Variants in GPR155 observed in about 807,000 individuals in gnomAD.
The protein encoded by GPR155 is lysosomal cholesterol signaling protein.
A neutral mutation model predicts 93.1 loss-of-function variants in GPR155; 65 were observed. The observed-to-expected ratio is 0.70, with a 90% confidence interval of 0.57 to 0.86. The LOEUF is 0.86. GPR155 is among the 40% of genes least tolerant of loss of function. The pLI, the probability that GPR155 is intolerant of heterozygous loss-of-function variation, is 0.00. For synonymous variants in GPR155, 319 were observed against 360.1 expected (o/e 0.89, Z 1.29); for missense variants, 838 against 1,034.8 (o/e 0.81, Z 2.61).
chr2:174,469,836 T>C (rs942996457), intron 4 of GPR155, among the ~76,000 whole-genome samples: 4 of 152,230 alleles, frequency 2.6e-5, no homozygotes, highest in African/African-American at 9.6e-5. Flanking sequence ...ATGATGCCTA[T>C]TTCTTATAAT....
At chr2:174,470,239 G>A (rs1019221617) in intron 4 of GPR155, 151 bp downstream of exon 4, 4 of 616,422 alleles carry the variant, frequency 6.5e-6, no homozygotes, top group Non-Finnish European at 8.1e-6. Context: ...GCAGAAGGCA[G>A]GAGTTTGAAA....
intron 11 of GPR155, among the ~76,000 whole-genome samples, chr2:174,447,051 A>G (rs1687152992): frequency 6.6e-6 from 1 of 151,976 alleles, no homozygotes; most frequent in African/African-American, 2.4e-5. Flanking sequence ...ATTATACATA[A>G]TTTGCCTGGG....
Position 174,465,840 on chromosome 2 carries a change from T to G in GPR155, c.1329A>C (p.Gln443His). 1 of 1,609,352 alleles carries G rather than the reference T, an allele frequency of 6.2e-7. No individual in the cohort carries two copies. The highest frequency in any genetic ancestry group is 8.5e-7 in the Non-Finnish European group (1 of 1,176,428). ...NFVKEKNFVG[Q>H]ILVFVLLYSS... ...TGTACAATAGAACAAACACCAAAAT[T>G]TGTCCAACAAAATTTTTTTCTTTAA... The change falls in exon 7 of 16, where the codon CAA becomes CAC. Residue 443 changes from glutamine to histidine, a missense_variant. Gln to His is a conservative substitution (Grantham distance 24). This residue lies in a region of GPR155 where 663 missense variants were observed against 790.1 expected (regional missense o/e 0.84). Transcript: ENST00000392552.
intron 4 of GPR155, 93 bp downstream of exon 4, chr2:174,470,297 T>C: frequency 5.6e-6 from 6 of 1,076,436 alleles, no homozygotes; most frequent in Non-Finnish European, 7.9e-6. Context: ...TATTTTTTCA[T>C]TTTTAAAAAA....
At chr2:174,468,342 C>T (rs1687898601) in intron 5 of GPR155, among the ~76,000 whole-genome samples, 1 of 151,976 alleles carries the variant, frequency 6.6e-6, no homozygotes, top group African/African-American at 2.4e-5. Context: ...ATTCAATAGG[C>T]CATTTGATCT....
At chr2:174,485,633 C>T (rs982761245) in intron 1 of GPR155, among the ~76,000 whole-genome samples, 6 of 151,668 alleles carry the variant, frequency 4.0e-5, no homozygotes, top group African/African-American at 1.5e-4. Context: ...TGCCCCTCCC[C>T]ATGAGGTTTC....
intron 11 of GPR155, among the ~76,000 whole-genome samples, chr2:174,453,102 A>G (rs1687369753): frequency 6.6e-6 from 1 of 152,232 alleles, no homozygotes; most frequent in South Asian, 2.1e-4. Context: ...AAAACAAGAA[A>G]AAAGCTTCCC....
At chr2:174,484,658 T>C (rs1032631790) in intron 1 of GPR155, among the ~76,000 whole-genome samples, 6 of 152,188 alleles carry the variant, frequency 3.9e-5, no homozygotes, top group South Asian at 2.1e-4. Flanking sequence ...GGATCAGTCA[T>C]AGCAGCTCAC....
At chr2:174,466,692 C>A in intron 5 of GPR155, 65 bp from the exon 6 acceptor site, 1 of 823,618 alleles carries the variant, frequency 1.2e-6, no homozygotes, top group South Asian at 1.5e-5. Context: ...TATTAAATAA[C>A]ACAATGATTA....
At chr2:174,454,771 A>AAGGAAAGGG (rs1687449791) in intron 10 of GPR155, among the ~76,000 whole-genome samples, 1 of 140,188 alleles carries the variant, frequency 7.1e-6, no homozygotes, top group South Asian at 2.4e-4. Context: ...GAAGGAAGGG[A>AAGGAAAGGG]AAGGAAGGAA....
Position 174,468,904 on chromosome 2 carries a change from G to A in GPR155, c.1182+8C>T, listed in dbSNP as rs28588913. ...GTTTCCATTCATTTTGGGATGCAACGTACTTACCAAGGAGATCAGGCTGAC... is the reference window on the plus strand; with the variant it reads ...GTTTCCATTCATTTTGGGATGCAACATACTTACCAAGGAGATCAGGCTGAC... On this transcript the variant is annotated splice_region_variant and intron_variant, in intron 5 of 15. Transcript: ENST00000392552. The A allele has an allele frequency of 0.028, 44,349 of 1,609,578 alleles. 953 individuals are homozygous for A. Among genetic ancestry groups the A allele is most frequent in the African/African-American group, 0.095 (7,127 of 74,896 alleles).
intron 3 of GPR155, 119 bp from the exon 4 acceptor site, chr2:174,470,674 T>C: frequency 1.3e-6 from 1 of 752,758 alleles, no homozygotes; most frequent in South Asian, 1.8e-5. Context: ...TCTATTTGCA[T>C]GCACATATTC....
intron 10 of GPR155, among the ~76,000 whole-genome samples, chr2:174,454,144 T>C (rs888218397): frequency 1.3e-5 from 2 of 152,122 alleles, no homozygotes; most frequent in African/African-American, 4.8e-5. Flanking sequence ...TTGTTCTGTT[T>C]TTTTGTTTTT....
chr2:174,443,369 T>C (rs1687022043), intron 13 of GPR155, among the ~76,000 whole-genome samples: 1 of 152,244 alleles, frequency 6.6e-6, no homozygotes, highest in South Asian at 2.1e-4. Context: ...AACTCAGTGA[T>C]TTCAAATGTG....
rs1686669570 is a variant in GPR155, at chr2:174,432,674, C to G, written c.*3442G>C. 6.6e-6 allele frequency: 1 copy of G among 151,844 alleles called. No individual in the cohort carries two copies. The highest frequency in any genetic ancestry group is 1.5e-5 in the Non-Finnish European group (1 of 67,992). 9.4% of individuals were successfully genotyped at this position (151,844 alleles called of 1,614,324 possible). Reference sequence around the variant, plus strand: ...TTCAGCTTAAAAACATCCCCATTCCCTAATCACAACTTAAAATTGGTATAG... The same window carrying G: ...TTCAGCTTAAAAACATCCCCATTCCGTAATCACAACTTAAAATTGGTATAG... On this transcript the variant is annotated 3_prime_UTR_variant, in exon 16 of 16. Coordinates refer to ENST00000392552, the MANE Select transcript of GPR155 (RefSeq NM_152529.7).
intron 4 of GPR155, 65 bp downstream of exon 4, chr2:174,470,325 A>T: frequency 1.6e-6 from 2 of 1,237,608 alleles, no homozygotes; most frequent in Non-Finnish European, 2.2e-6. Flanking sequence ...AAAAAATTTG[A>T]AATGAATTTA....
At chr2:174,473,432 C>T in intron 2 of GPR155, 68 bp from the exon 3 acceptor site, 5 of 1,051,574 alleles carry the variant, frequency 4.8e-6, no homozygotes, top group Admixed American at 2.6e-5. Flanking sequence ...ATGTATATAA[C>T]ATTTTCTGTA....
intron 14 of GPR155, among the ~76,000 whole-genome samples, 174 bp downstream of exon 14, chr2:174,441,945 A>G (rs1238861443): frequency 2.0e-5 from 3 of 151,370 alleles, no homozygotes; most frequent in Non-Finnish European, 4.4e-5. Context: ...ACTAGGTTTC[A>G]CTATGTTGCC....
At position 174,474,616 on chromosome 2, in the gene GPR155, G is replaced by A. The variant is rs1407689700; in HGVS notation, c.461-1252C>T. 5.3e-5 allele frequency among the ~76,000 whole-genome samples: 8 copies of A among 152,050 alleles called. No homozygotes were observed. In the East Asian group the frequency reaches 1.5e-3, roughly 29 times the overall value. The stretch of plus-strand genomic sequence containing the variant: ...AAAAATCTGGCTGTGTTAGACTTAT[G>A]AAAAATGGTACAATATAGACAAAGT... On this transcript the variant is annotated intron_variant, in intron 2 of 15. Coordinates refer to ENST00000392552, the MANE Select transcript of GPR155 (RefSeq NM_152529.7).
Sources: gnomAD v4.1 joint callset for allele counts (sites outside exome capture counted in the v4.1 genomes callset) on GRCh38, gnomAD v4.1.1 for gene constraint, gnomAD v4.1.1 regional missense constraint, MANE v1.5 for transcripts, NCBI Gene and HGNC (gene_info 2026-07-23, HGNC 2026-07-21) for gene names.